TMEM117: variants seen among roughly 807,000 people sequenced by gnomAD.
TMEM117 encodes the protein transmembrane protein 117.
In TMEM117, 27 loss-of-function variants were observed where a neutral mutation model predicts 52.4. That is an observed-to-expected ratio of 0.51 (90% CI 0.38 to 0.71). The LOEUF (loss-of-function observed/expected upper bound fraction) is 0.71, where lower values mean the gene tolerates loss of function less well. Ranked by LOEUF, TMEM117 falls within the 30% of genes least tolerant of loss-of-function variation. The pLI, the probability that TMEM117 is intolerant of heterozygous loss-of-function variation, is 0.00. For synonymous variants in TMEM117, 215 were observed against 206.3 expected (o/e 1.04, Z -0.36); for missense variants, 556 against 630.5 (o/e 0.88, Z 1.26).
intron 3 of TMEM117, among the ~76,000 whole-genome samples, chr12:44,126,760 A>G (rs1948332228): frequency 6.6e-6 from 1 of 152,224 alleles, no homozygotes; most frequent in African/African-American, 2.4e-5. Context: ...GGATTTTAAA[A>G]TGAATACCTT....
At chr12:44,022,370 A>G (rs991697410) in intron 3 of TMEM117, among the ~76,000 whole-genome samples, 9 of 152,188 alleles carry the variant, frequency 5.9e-5, no homozygotes, top group Non-Finnish European at 8.8e-5. Flanking sequence ...CTCTCCTTTG[A>G]AATTCTGGCC....
chr12:44,298,851 G>C (rs1950800943), intron 5 of TMEM117, among the ~76,000 whole-genome samples: 1 of 150,610 alleles, frequency 6.6e-6, no homozygotes, highest in Non-Finnish European at 1.5e-5. Flanking sequence ...TAGAGATGGT[G>C]ATGAGTCTGG....
chr12:44,295,682 T>C (rs964634445), intron 5 of TMEM117, among the ~76,000 whole-genome samples: 5 of 152,076 alleles, frequency 3.3e-5, no homozygotes, highest in African/African-American at 1.2e-4. Context: ...TTTCTGTTTT[T>C]TTTTTTATGG....
intron 2 of TMEM117, among the ~76,000 whole-genome samples, chr12:43,912,187 G>T (rs1010664048): frequency 6.7e-6 from 1 of 149,432 alleles, no homozygotes; most frequent in Admixed American, 6.8e-5. Context: ...ATGAGTTCAT[G>T]TCCTTTGTAG....
chr12:44,135,068 G>A (rs139999476), intron 3 of TMEM117, among the ~76,000 whole-genome samples: 22 of 152,090 alleles, frequency 1.4e-4, no homozygotes, highest in African/African-American at 5.1e-4. Context: ...CTCTTGCTTT[G>A]TCTGCAGATT....
chr12:43,840,595 G>A (rs1326032419), intron 1 of TMEM117, among the ~76,000 whole-genome samples: 7 of 152,178 alleles, frequency 4.6e-5, no homozygotes, highest in African/African-American at 1.7e-4. Flanking sequence ...CTCTTTGTGA[G>A]TGTACCACTC....
At chr12:44,228,166 C>T (rs1949887333) in intron 5 of TMEM117, among the ~76,000 whole-genome samples, 1 of 151,852 alleles carries the variant, frequency 6.6e-6, no homozygotes, top group Admixed American at 6.6e-5. Flanking sequence ...AATATGATTT[C>T]AATTACATTT....
chr12:43,969,356 T>A (rs1309332326), intron 3 of TMEM117, among the ~76,000 whole-genome samples: 36 of 79,548 alleles, frequency 4.5e-4, no homozygotes, highest in South Asian at 1.3e-3. Context: ...CCGTCTCTAC[T>A]AAAAAAAAAA....
chr12:44,348,330 A>G (rs1215640901), intron 6 of TMEM117, among the ~76,000 whole-genome samples: 1 of 151,560 alleles, frequency 6.6e-6, no homozygotes, highest in Admixed American at 6.6e-5. Flanking sequence ...ACCCATTCTA[A>G]TGATCCCAAC....
chr12:44,327,625 G>A (rs1351084472), intron 6 of TMEM117, among the ~76,000 whole-genome samples: 1 of 152,084 alleles, frequency 6.6e-6, no homozygotes, highest in Non-Finnish European at 1.5e-5. Context: ...TTTAACATCT[G>A]TTATATTTAT....
the TMEM117 span, among the ~76,000 whole-genome samples, chr12:43,823,941 T>A: frequency 6.6e-6 from 1 of 151,586 alleles, no homozygotes; most frequent in Non-Finnish European, 1.5e-5. Flanking sequence ...AGCTTAATAG[T>A]TTTAACAATA....
chr12:43,925,269 T>C (rs1220691663), intron 2 of TMEM117, among the ~76,000 whole-genome samples: 1 of 151,422 alleles, frequency 6.6e-6, no homozygotes, highest in Non-Finnish European at 1.5e-5. Flanking sequence ...GAGGGCCATC[T>C]TGTAGGCTGG....
intron 5 of TMEM117, among the ~76,000 whole-genome samples, chr12:44,237,750 A>G (rs1950015834): frequency 6.6e-6 from 1 of 152,032 alleles, no homozygotes; most frequent in South Asian, 2.1e-4. Context: ...GACTATAGCT[A>G]TTTTTGATTG....
intron 5 of TMEM117, among the ~76,000 whole-genome samples, chr12:44,238,863 A>T (rs922875473): frequency 3.3e-5 from 5 of 152,168 alleles, no homozygotes; most frequent in Non-Finnish European, 7.4e-5. Context: ...AAATGCACTC[A>T]ATTGATCATG....
chr12:44,271,382 A>G (rs755164025), intron 5 of TMEM117, among the ~76,000 whole-genome samples: 7 of 152,078 alleles, frequency 4.6e-5, no homozygotes, highest in Non-Finnish European at 8.8e-5. Flanking sequence ...CCAAGTACAC[A>G]TAAACAGTAC....
intron 3 of TMEM117, among the ~76,000 whole-genome samples, chr12:44,058,164 T>G (rs954407103): frequency 8.6e-5 from 13 of 151,896 alleles, no homozygotes; most frequent in African/African-American, 2.9e-4. Context: ...TCTGGGACAA[T>G]CATCATACAT....
intron 2 of TMEM117, among the ~76,000 whole-genome samples, chr12:43,882,784 G>A (rs1943920673): frequency 6.6e-6 from 1 of 152,176 alleles, no homozygotes; most frequent in South Asian, 2.1e-4. Context: ...ACTGAACATA[G>A]CAGCTTATTC....
At chr12:43,888,301 T>A (rs1327338155) in intron 2 of TMEM117, among the ~76,000 whole-genome samples, 3 of 152,210 alleles carry the variant, frequency 2.0e-5, no homozygotes, top group African/African-American at 7.2e-5. Flanking sequence ...TACTATTCTG[T>A]ATGTGATTCT....
chr12:44,280,054 A>C (rs1177076613), intron 5 of TMEM117, among the ~76,000 whole-genome samples: 1 of 152,178 alleles, frequency 6.6e-6, no homozygotes, highest in African/African-American at 2.4e-5. Flanking sequence ...AGTAATATTC[A>C]AGATTCTATT....
Sources: gnomAD v4.1 joint callset for allele counts (sites outside exome capture counted in the v4.1 genomes callset) on GRCh38, gnomAD v4.1.1 for gene constraint, MANE v1.5 for transcripts, NCBI Gene and HGNC (gene_info 2026-07-23, HGNC 2026-07-21) for gene names.